RASL10B: variants seen among roughly 807,000 people sequenced by gnomAD.
The protein encoded by RASL10B is RAS like family 10 member B, also known as ras-like protein family member 10B.
Under a neutral mutation model 20.7 loss-of-function variants are expected in RASL10B, and 10 were observed. That is an observed-to-expected ratio of 0.48 (90% CI 0.30 to 0.82). RASL10B has a LOEUF of 0.82. RASL10B is among the 40% of genes least tolerant of loss of function. The pLI is 0.07. For missense variants in RASL10B, 231 were observed against 295.4 expected (o/e 0.78, Z 1.60); for synonymous variants, 110 against 123.3 (o/e 0.89, Z 0.72).
At chr17:35,738,336 G>T (rs1471547823) in intron 2 of RASL10B, among the ~76,000 whole-genome samples, 1 of 152,024 alleles carries the variant, frequency 6.6e-6, no homozygotes, top group Non-Finnish European at 1.5e-5. Flanking sequence ...CTGTGAAAAA[G>T]GTATCCTCAA....
chr17:35,740,542 C>G lies in RASL10B; in HGVS notation c.341+9C>G, dbSNP rs2085622929. 6.2e-7 allele frequency: 1 copy of G among 1,611,932 alleles called. No individual in the cohort carries two copies. Among genetic ancestry groups the G allele is most frequent in the Middle Eastern group, 1.7e-4 (1 of 5,852 alleles). On this transcript the variant is annotated intron_variant, in intron 3 of 3. Transcript: ENST00000603017. ...CAGATCCTGGAGACGAGGTGAGAGG[C>G]TGGAACACAGTCCATTGCCACCTCT... is the stretch of plus-strand genomic sequence containing the variant.
chr17:35,736,010 C>A (rs1427366626), intron 2 of RASL10B, among the ~76,000 whole-genome samples: 2 of 152,078 alleles, frequency 1.3e-5, no homozygotes, highest in African/African-American at 4.8e-5. Flanking sequence ...CTCTGGAGAC[C>A]CCAGTCAGGT....
At position 35,735,315 on chromosome 17, in the gene RASL10B, C is replaced by A. The variant is rs139238337; in HGVS notation, c.131C>A (p.Pro44His). The change falls in exon 2 of 4, where the codon CCT becomes CAT. Residue 44 changes from proline to histidine, a missense_variant. By Grantham distance (77) the Pro-to-His change is moderately conservative. Transcript: ENST00000603017. This position sits in a 1 kb window ranked among gnomAD's most constrained non-coding sequence, Gnocchi z 6.7. ...ACCACCGCCCGCCGCCTTTACCTGC[C>A]TGCTGTCGTCATGAACGGCCACGTG... ...VPTTARRLYL[P>H]AVVMNGHVHD... is the part of the protein sequence containing the mutation. 328 of 1,614,184 alleles carry A rather than the reference C, an allele frequency of 2.0e-4. No homozygotes were observed. The African/African-American group carries it at 4.2e-3, about 21-fold the overall frequency.
chr17:35,738,642 C>G (rs1555597506), intron 2 of RASL10B, among the ~76,000 whole-genome samples: 1 of 152,128 alleles, frequency 6.6e-6, no homozygotes, highest in African/African-American at 2.4e-5. Context: ...TGACAGAGCC[C>G]CAAGATGGCC....
At chr17:35,740,292 T>C (rs2085621419) in intron 2 of RASL10B, 117 bp from the exon 3 acceptor site, 2 of 1,365,556 alleles carry the variant, frequency 1.5e-6, no homozygotes, top group Non-Finnish European at 2.0e-6. Flanking sequence ...TGGTCGGGTA[T>C]GGAAGGCTTC....
intron 1 of RASL10B, among the ~76,000 whole-genome samples, chr17:35,732,372 G>C (rs770486928): frequency 6.6e-6 from 1 of 152,230 alleles, no homozygotes; most frequent in South Asian, 2.1e-4. Flanking sequence ...CTCTTGCCGG[G>C]CGCTGTCTGC....
intron 1 of RASL10B, among the ~76,000 whole-genome samples, chr17:35,732,564 C>A (rs1319734162): frequency 6.6e-6 from 1 of 152,194 alleles, no homozygotes; most frequent in Admixed American, 6.5e-5. Flanking sequence ...GGGGACAGGG[C>A]CACACTTGGA....
chr17:35,739,269 C>G (rs1040663711), intron 2 of RASL10B, among the ~76,000 whole-genome samples: 3 of 152,202 alleles, frequency 2.0e-5, no homozygotes, highest in Non-Finnish European at 4.4e-5. Context: ...CTGCCCCACT[C>G]AATTCAGATG....
chr17:35,740,940 G>A (rs2085624862), intron 3 of RASL10B, 95 bp from the exon 4 acceptor site: 1 of 1,032,250 alleles, frequency 9.7e-7, no homozygotes, highest in Admixed American at 2.3e-5. Context: ...CAGAACCTAC[G>A]GTGGTGGTAG....
chr17:35,740,354 G>A (rs1451795985), intron 2 of RASL10B, 55 bp from the exon 3 acceptor site: 3 of 1,591,838 alleles, frequency 1.9e-6, no homozygotes, highest in Non-Finnish European at 2.6e-6. Flanking sequence ...GTGTTTGGGG[G>A]CTAGGGGAGC....
In RASL10B at chr17:35,734,512, A is replaced by G. The variant is rs116848935; in HGVS notation, c.-147-526A>G. On this transcript the variant is annotated intron_variant, in intron 1 of 3. Coordinates refer to ENST00000603017, the MANE Select transcript of RASL10B (RefSeq NM_033315.4). ...CATTCTCAACTAGGGGCATTTGGAA[A>G]TGGGGGCAGGGGGAGTTTTTGGTCA... Among the ~76,000 whole-genome samples the G allele has an allele frequency of 5.4e-4, 82 of 152,240 alleles. No individual in the cohort carries two copies. In the East Asian group the frequency reaches 0.014, roughly 25 times the overall value.
intron 2 of RASL10B, among the ~76,000 whole-genome samples, chr17:35,740,122 T>C (rs1340783053): frequency 6.6e-6 from 1 of 152,090 alleles, no homozygotes; most frequent in Non-Finnish European, 1.5e-5. Context: ...CCTCGATGGA[T>C]GGATGAGGGC....
In RASL10B at chr17:35,736,584, G is replaced by A. The variant is rs587620769; in HGVS notation, c.216+1184G>A. On this transcript the variant is annotated intron_variant, in intron 2 of 3. Transcript: ENST00000603017. ...TCAGGGCAGACAGTCTGGATGCAGG[G>A]CCTTCTAGTTCTCTTCTAAAGGAGA... Among the ~76,000 whole-genome samples the A allele has an allele frequency of 2.3e-4, 35 of 152,320 alleles. No individual in the cohort carries two copies. The East Asian group carries it at 3.7e-3, about 16-fold the overall frequency.
In RASL10B at chr17:35,740,390, C is replaced by T; in HGVS notation, c.217-19C>T. The T allele has an allele frequency of 3.1e-6, 5 of 1,611,196 alleles. No homozygotes were observed. The highest frequency in any genetic ancestry group is 3.4e-6 in the Non-Finnish European group (4 of 1,178,096). On this transcript the variant is annotated intron_variant, in intron 2 of 3. Coordinates refer to ENST00000603017, the MANE Select transcript of RASL10B (RefSeq NM_033315.4). ...CCTCATGGCTGCTCTGACCCTGGTA[C>T]TGGCTGGGGATATTGCAGGAGTGGG...
intron 2 of RASL10B, among the ~76,000 whole-genome samples, chr17:35,736,134 A>G (rs782729159): frequency 2.6e-5 from 4 of 152,104 alleles, no homozygotes; most frequent in Admixed American, 1.3e-4. Context: ...GTCCTCACTT[A>G]TTGTGTTCCT....
chr17:35,740,343 G>T, intron 2 of RASL10B, 66 bp from the exon 3 acceptor site: 1 of 1,579,118 alleles, frequency 6.3e-7, no homozygotes, highest in Admixed American at 1.7e-5. Flanking sequence ...TCTGATGGGA[G>T]GTGTTTGGGG....
intron 2 of RASL10B, among the ~76,000 whole-genome samples, chr17:35,740,203 A>G (rs1356647032): frequency 1.3e-5 from 2 of 152,226 alleles, no homozygotes; most frequent in African/African-American, 4.8e-5. Flanking sequence ...TAGATCAAAC[A>G]ATGTGACCTG....
intron 1 of RASL10B, among the ~76,000 whole-genome samples, chr17:35,732,392 G>A (rs2085564013): frequency 6.6e-6 from 1 of 152,228 alleles, no homozygotes. Flanking sequence ...CAGACTCACT[G>A]CAGAGCGCAG....
rs1283592935 is a variant in RASL10B at position 35,742,116 on chromosome 17, G to C, written c.*811G>C. ...TTTTTTTCTTTTTTTTTTTTGGACA[G>C]AGTGTGGAAAGGGAGCCCCCCAAAG... is the stretch of plus-strand genomic sequence containing the variant. On this transcript the variant is annotated 3_prime_UTR_variant, in exon 4 of 4. Coordinates refer to ENST00000603017, the MANE Select transcript of RASL10B (RefSeq NM_033315.4). 1.3e-5 allele frequency: 2 copies of C among 151,034 alleles called. No individual in the cohort carries two copies. Among genetic ancestry groups the C allele is most frequent in the African/African-American group, 2.4e-5 (1 of 40,890 alleles). The allele number at this position is 151,034 out of a possible 1,614,324, so 9.4% of individuals were successfully genotyped here. A position where few individuals can be genotyped will look rare whatever the true frequency, so the allele number is the denominator to read the frequency against.
Sources: gnomAD v4.1 joint callset for allele counts (sites outside exome capture counted in the v4.1 genomes callset) on GRCh38, gnomAD v4.1.1 for gene constraint, Gnocchi (gnomAD v3.1) non-coding constraint, MANE v1.5 for transcripts, NCBI Gene and HGNC (gene_info 2026-07-23, HGNC 2026-07-21) for gene names.